OR2V2: variants seen among roughly 807,000 people sequenced by gnomAD.
The protein encoded by OR2V2 is olfactory receptor family 2 subfamily V member 2.
For missense variants in OR2V2, 392 were observed against 392.2 expected, an observed-to-expected ratio of 1.00 and a Z score of 0.00; for synonymous variants, 161 against 151.3, an observed-to-expected ratio of 1.06 and a Z score of -0.47.
rs1763293706 is a variant in OR2V2 at position 181,158,348 on chromosome 5, A to C, written c.*2458A>C. 6.7e-6 allele frequency: 1 copy of C among 148,190 alleles called. No individual in the cohort carries two copies. The highest frequency in any genetic ancestry group is 2.6e-5 in the African/African-American group (1 of 39,072). 9.2% of individuals were successfully genotyped at this position (148,190 alleles called of 1,614,324 possible). On this transcript the variant is annotated 3_prime_UTR_variant, in exon 2 of 2. Coordinates refer to ENST00000641492, the MANE Select transcript of OR2V2 (RefSeq NM_206880.2). ...GAGGAAATACATGTGGGGGGGGGGC[A>C]GGTGCGGTGGCTCACATCTGTAATC...
At position 181,155,470 on chromosome 5, in the gene OR2V2, C is replaced by T. The variant is rs752904239; in HGVS notation, c.528C>T (p.Asn176=). 2.5e-6 allele frequency: 4 copies of T among 1,614,028 alleles called. No homozygotes were observed. Among genetic ancestry groups the T allele is most frequent in the Middle Eastern group, 1.6e-4 (1 of 6,084 alleles). The change falls in exon 2 of 2, where the codon AAC becomes AAT. Residue 176 remains asparagine, a synonymous_variant. Transcript: ENST00000641492. ...NFPYCGLRKV[N]HFFCEMLSLL... ...CCTACTGTGGCTTGAGGAAGGTGAA[C>T]CATTTCTTCTGTGAGATGCTATCCT...
intron 1 of OR2V2, among the ~76,000 whole-genome samples, chr5:181,151,000 AG>A (rs1763184828): frequency 6.6e-6 from 1 of 152,136 alleles, no homozygotes; most frequent in African/African-American, 2.4e-5. Context: ...CAGATAAGTA[AG>A]CATGCAGAGT....
At chr5:181,154,897 C>T in intron 1 of OR2V2, 22 bp from the exon 2 acceptor site, 1 of 1,291,412 alleles carries the variant, frequency 7.7e-7, no homozygotes. Flanking sequence ...GTCAATGTAA[C>T]ACATCTTGTC....
chr5:181,155,161 G>A lies in OR2V2; in HGVS notation c.219G>A (p.Met73Ile). The A allele has an allele frequency of 6.2e-7, 1 of 1,614,184 alleles. No homozygotes were observed. The highest frequency in any genetic ancestry group is 8.5e-7 in the Non-Finnish European group (1 of 1,180,042). ...GCCAGCTCTCCCTCATGGACCTCAT[G>A]TTGGTCTGTACCAATGTGCCAAAGA... ...FLSQLSLMDL[M>I]LVCTNVPKMA... Residue 73 changes from methionine to isoleucine, a missense_variant, in exon 2 of 2, where the codon ATG becomes ATA. Physicochemically the swap from Met to Ile is conservative, Grantham distance 10. Coordinates refer to ENST00000641492, the MANE Select transcript of OR2V2 (RefSeq NM_206880.2).
At position 181,157,152 on chromosome 5, in the gene OR2V2, T is replaced by A. The variant is rs556834741; in HGVS notation, c.*1262T>A. 6.6e-5 allele frequency: 10 copies of A among 152,358 alleles called. No individual in the cohort carries two copies. Among genetic ancestry groups the A allele is most frequent in the Admixed American group, 3.3e-4 (5 of 15,308 alleles). The allele number at this position is 152,358 out of a possible 1,614,324, so 9.4% of individuals were successfully genotyped here. A position where few individuals can be genotyped will look rare whatever the true frequency, so the allele number is the denominator to read the frequency against. Reference sequence around the variant, plus strand: ...TGTACCTGTCCTATTTGCAGTAAAATTCTCTTTTCATGGAAAAAAAATATC... The same window carrying A: ...TGTACCTGTCCTATTTGCAGTAAAAATCTCTTTTCATGGAAAAAAAATATC... On this transcript the variant is annotated 3_prime_UTR_variant, in exon 2 of 2. Transcript: ENST00000641492.
At chr5:181,152,712 C>G (rs1763207570) in intron 1 of OR2V2, among the ~76,000 whole-genome samples, 1 of 152,180 alleles carries the variant, frequency 6.6e-6, no homozygotes, top group Non-Finnish European at 1.5e-5. Flanking sequence ...ACAAAATACC[C>G]CACTCCTCTC....
intron 1 of OR2V2, among the ~76,000 whole-genome samples, chr5:181,148,687 A>G (rs1763156731): frequency 6.6e-6 from 1 of 152,200 alleles, no homozygotes; most frequent in South Asian, 2.1e-4. Flanking sequence ...TTGGGAAAGC[A>G]GGAGAAAGTG....
Position 181,155,887 on chromosome 5 carries a change from C to A in OR2V2, c.945C>A (p.His315Gln), listed in dbSNP as rs755959797. ...GLDRCRIGSQ[H>Q] ...ACCGCTGCAGGATCGGCAGCCAGCA[C>A]TGAACCCAGGGCATCCAGTGCCTGG... The change falls in exon 2 of 2, where the codon CAC (histidine) becomes CAA (glutamine). Residue 315 changes from histidine (H) to glutamine (Q), a missense_variant. Transcript: ENST00000641492. 1.2e-6 allele frequency: 2 copies of A among 1,610,248 alleles called. No individual in the cohort carries two copies. The highest frequency in any genetic ancestry group is 3.3e-5 in the Admixed American group (2 of 59,886).
intron 1 of OR2V2, among the ~76,000 whole-genome samples, chr5:181,154,642 G>A (rs1366502707): frequency 6.6e-6 from 1 of 150,720 alleles, no homozygotes; most frequent in Non-Finnish European, 1.5e-5. Context: ...GACTTTGCCT[G>A]CTGAAGGGGG....
chr5:181,149,296 G>A (rs999515819), intron 1 of OR2V2, among the ~76,000 whole-genome samples: 2 of 152,140 alleles, frequency 1.3e-5, no homozygotes, highest in African/African-American at 4.8e-5. Flanking sequence ...CCAATGGTTG[G>A]GATGTGTGTG....
Position 181,156,287 on chromosome 5 carries a change from T to A in OR2V2, c.*397T>A, listed in dbSNP as rs1763266974. 5.7e-6 allele frequency: 1 copy of A among 175,950 alleles called. No homozygotes were observed. Among genetic ancestry groups the A allele is most frequent in the Admixed American group, 5.7e-5 (1 of 17,618 alleles). The allele number at this position is 175,950 out of a possible 1,614,324, so 10.9% of individuals were successfully genotyped here. On this transcript the variant is annotated 3_prime_UTR_variant, in exon 2 of 2. Transcript: ENST00000641492. ...ACCTGACTAATTTTTTAGTAAGGGA[T>A]CCACTATTGTTGTAGAGACAATGTT...
chr5:181,157,963 T>C lies in OR2V2; in HGVS notation c.*2073T>C, dbSNP rs17080838. On this transcript the variant is annotated 3_prime_UTR_variant, in exon 2 of 2. Transcript: ENST00000641492. ...CCCTTCCGTGATGCAGAATTTTGGATCATAATCACCCAAGCAAAAGTTTCA... is the reference window on the plus strand; with the variant it reads ...CCCTTCCGTGATGCAGAATTTTGGACCATAATCACCCAAGCAAAAGTTTCA... The C allele has an allele frequency of 0.13, 19,024 of 152,166 alleles. 2,006 individuals carry two copies. Among genetic ancestry groups the C allele is most frequent in the African/African-American group, 0.29 (11,901 of 41,468 alleles). 9.4% of individuals were successfully genotyped at this position (152,166 alleles called of 1,614,324 possible). A position where few individuals can be genotyped will look rare whatever the true frequency, so the allele number is the denominator to read the frequency against.
chr5:181,154,839 A>C (rs1197197816), intron 1 of OR2V2, 80 bp from the exon 2 acceptor site: 29 of 819,442 alleles, frequency 3.5e-5, no homozygotes, highest in Non-Finnish European at 5.6e-5. Flanking sequence ...GTTGCACACA[A>C]CACAGCTGAC....
chr5:181,156,079 T>A lies in OR2V2; in HGVS notation c.*189T>A, dbSNP rs6876056. 1 of 544,304 alleles carries A rather than the reference T, an allele frequency of 1.8e-6. No individual in the cohort carries two copies. Among genetic ancestry groups the A allele is most frequent in the African/African-American group, 1.9e-5 (1 of 51,888 alleles). The allele number at this position is 544,304 out of a possible 1,614,324, so 33.7% of individuals were successfully genotyped here. On this transcript the variant is annotated 3_prime_UTR_variant, in exon 2 of 2. Transcript: ENST00000641492. ...CTTTCTTTCTTTCTTTCTTTTGTTCTTTCTTTCGTTCTTTCTTTCTCTTCC... is the reference window on the plus strand; with the variant it reads ...CTTTCTTTCTTTCTTTCTTTTGTTCATTCTTTCGTTCTTTCTTTCTCTTCC...
In OR2V2 at chr5:181,158,952, C is replaced by T. The variant is rs535239582; in HGVS notation, c.*3062C>T. The T allele has an allele frequency of 1.4e-4, 22 of 152,106 alleles. No individual in the cohort carries two copies. The highest frequency in any genetic ancestry group is 4.8e-4 in the African/African-American group (20 of 41,474). The allele number at this position is 152,106 out of a possible 1,614,324, so 9.4% of individuals were successfully genotyped here. A position where few individuals can be genotyped will look rare whatever the true frequency, so the allele number is the denominator to read the frequency against. On this transcript the variant is annotated 3_prime_UTR_variant, in exon 2 of 2. Coordinates refer to ENST00000641492, the MANE Select transcript of OR2V2 (RefSeq NM_206880.2). ...GTGTGTGTGTGAATATAAAAAATTG[C>T]TTGAAGCCAGGCATGGTGGCTCATT... is the stretch of plus-strand genomic sequence containing the variant.
chr5:181,152,521 G>A (rs1343800253), intron 1 of OR2V2, among the ~76,000 whole-genome samples: 3 of 152,150 alleles, frequency 2.0e-5, no homozygotes, highest in Middle Eastern at 3.2e-3. Flanking sequence ...CTCTCCTGTG[G>A]TTAGTAAGTT....
chr5:181,155,514 T>C lies in OR2V2; in HGVS notation c.572T>C (p.Val191Ala), dbSNP rs544530511. ...CTATCCTTGTTGAAGCTGGCCTGTG[T>C]AGACACATCCCTGTTTGAGAAGGTG... ...EMLSLLKLAC[V>A]DTSLFEKVIF... is the part of the protein sequence containing the mutation. Residue 191 changes from valine to alanine, a missense_variant, in exon 2 of 2, where the codon GTA becomes GCA. Val to Ala is a moderately conservative substitution (Grantham distance 64). Transcript: ENST00000641492. 6.2e-7 allele frequency: 1 copy of C among 1,614,210 alleles called. No homozygotes were observed. The highest frequency in any genetic ancestry group is 1.3e-5 in the African/African-American group (1 of 75,068).
chr5:181,152,360 T>C (rs1050931519), intron 1 of OR2V2, among the ~76,000 whole-genome samples: 1 of 152,154 alleles, frequency 6.6e-6, no homozygotes, highest in Non-Finnish European at 1.5e-5. Context: ...CTTGTAAAAT[T>C]TCTCAGTTAG....
At chr5:181,152,722 C>T (rs1763207618) in intron 1 of OR2V2, among the ~76,000 whole-genome samples, 1 of 152,236 alleles carries the variant, frequency 6.6e-6, no homozygotes, top group African/African-American at 2.4e-5. Context: ...CCACTCCTCT[C>T]TAGGGCGATT....
Sources: allele counts gnomAD v4.1 joint callset (sites outside exome capture counted in the v4.1 genomes callset), GRCh38; gene constraint gnomAD v4.1.1; transcripts MANE v1.5; gene names NCBI Gene and HGNC (gene_info 2026-07-23, HGNC 2026-07-21).